Variants in TCEAL2 observed in about 807,000 individuals in gnomAD.
The protein encoded by TCEAL2 is transcription elongation factor A like 2, also known as transcription elongation factor A protein-like 2.
For missense variants in TCEAL2, 169 were observed against 166.6 expected (o/e 1.01, Z -0.08); for synonymous variants, 65 against 57.9 (o/e 1.12, Z -0.55).
intron 1 of TCEAL2, 149 bp from the exon 2 acceptor site, chrX:102,126,224 G>A: frequency 1.6e-6 from 1 of 612,661 alleles, no homozygotes; most frequent in Non-Finnish European, 2.3e-6. Flanking sequence ...TTTGGTGCCC[G>A]AGGCCTGGAA....
intron 2 of TCEAL2, 81 bp downstream of exon 2, chrX:102,126,526 G>T (rs1932895006): frequency 3.7e-5 from 26 of 693,857 alleles, no homozygotes; most frequent in Admixed American, 5.7e-5. Context: ...CCGAATTGGG[G>T]CCCCTGCCCA....
Position 102,127,143 on chromosome X carries a change from G to A in TCEAL2, c.313G>A (p.Glu105Lys). The A allele has an allele frequency of 8.3e-7, 1 of 1,207,609 alleles. No individual in the cohort carries two copies. Among genetic ancestry groups the A allele is most frequent in the Non-Finnish European group, 1.1e-6 (1 of 892,674 alleles). ...AGGGGGAAGGGCAGAGGGTGAAGGA[G>A]AGCCAGACAGTGAAAGAGAGCCAGA... ...ERGGRAEGEG[E>K]PDSEREPESE... Residue 105 changes from glutamate to lysine, a missense_variant, in exon 3 of 3, where the codon GAG (glutamate) becomes AAG (lysine). Coordinates refer to ENST00000372780, the MANE Select transcript of TCEAL2 (RefSeq NM_080390.4).
intron 2 of TCEAL2, 95 bp from the exon 3 acceptor site, chrX:102,126,709 A>G: frequency 1.2e-6 from 1 of 859,886 alleles, no homozygotes; most frequent in Admixed American, 3.2e-5. Context: ...ACCAGGGGTG[A>G]GATGCAAGTA....
rs1932886832 is a variant in TCEAL2 at position 102,125,691 on chromosome X, G to T, written c.-216G>T. On this transcript the variant is annotated 5_prime_UTR_variant, in exon 1 of 3. Coordinates refer to ENST00000372780, the MANE Select transcript of TCEAL2 (RefSeq NM_080390.4). ...GCGCCCGCCCGCCAGCCCGCCCAGCGGTCGGGTCCGGGCGCCCGCGCAGAA... is the reference window on the plus strand; with the variant it reads ...GCGCCCGCCCGCCAGCCCGCCCAGCTGTCGGGTCCGGGCGCCCGCGCAGAA... 8.9e-6 allele frequency: 1 copy of T among 112,275 alleles called. No individual in the cohort carries two copies. The highest frequency in any genetic ancestry group is 1.9e-5 in the Non-Finnish European group (1 of 53,184). 9.3% of individuals were successfully genotyped at this position (112,275 alleles called of 1,213,427 possible). A position where few individuals can be genotyped will look rare whatever the true frequency, so the allele number is the denominator to read the frequency against.
intron 2 of TCEAL2, 36 bp from the exon 3 acceptor site, chrX:102,126,768 T>C (rs1932896654): frequency 1.8e-6 from 2 of 1,126,420 alleles, no homozygotes; most frequent in Non-Finnish European, 2.4e-6. Context: ...CCATGTCTCC[T>C]CTTTGTCTCC....
chrX:102,127,174 AG>A lies in TCEAL2; in HGVS notation c.347del (p.Gly116GlufsTer45). On this transcript the variant is annotated frameshift_variant, in exon 3 of 3. Coordinates refer to ENST00000372780, the MANE Select transcript of TCEAL2 (RefSeq NM_080390.4). LOFTEE classifies it low-confidence loss of function (END_TRUNC). ...GACAGTGAAAGAGAGCCAGAGAGTGAGGGAGAGCCAGAAAGTGAAACAAGGG... is the reference window on the plus strand; with the variant it reads ...GACAGTGAAAGAGAGCCAGAGAGTGAGGAGAGCCAGAAAGTGAAACAAGGG... ...EPDSEREPESEGEPESETRAA... is the reference protein window; with the variant it reads ...EPDSEREPESXGEPESETRAA... 8.3e-7 allele frequency: 1 copy of A among 1,211,100 alleles called. No homozygotes were observed. Among genetic ancestry groups the A allele is most frequent in the Non-Finnish European group, 1.1e-6 (1 of 895,247 alleles).
intron 1 of TCEAL2, chrX:102,126,148 C>T: frequency 5.9e-6 from 2 of 337,680 alleles, no homozygotes; most frequent in East Asian, 4.7e-5. Context: ...AATGAGGTGG[C>T]GCTGGGGCAG....
Position 102,126,406 on chromosome X carries a change from G to A in TCEAL2, c.-67G>A, listed in dbSNP as rs1181856801. ...GTCTGTTGTTCCCAGCGCTCTGAGA[G>A]GCCTGAAAAGGAAGAGCAACCTGTC... On this transcript the variant is annotated 5_prime_UTR_variant, in exon 2 of 3. Transcript: ENST00000372780. 3.6e-6 allele frequency: 4 copies of A among 1,104,615 alleles called. No homozygotes were observed. The highest frequency in any genetic ancestry group is 4.9e-6 in the Non-Finnish European group (4 of 819,315). 91.0% of individuals were successfully genotyped at this position (1,104,615 alleles called of 1,213,427 possible).
chrX:102,127,187 A>G lies in TCEAL2; in HGVS notation c.357A>G (p.Glu119=), dbSNP rs188804412. 160 of 1,208,836 alleles carry G rather than the reference A, an allele frequency of 1.3e-4. No individual in the cohort carries two copies. Among genetic ancestry groups the G allele is most frequent in the Admixed American group, 2.0e-4 (9 of 45,603 alleles). Residue 119 remains glutamate (E), a synonymous_variant, in exon 3 of 3, where the codon GAA becomes GAG. Coordinates refer to ENST00000372780, the MANE Select transcript of TCEAL2 (RefSeq NM_080390.4). ...EREPESEGEP[E]SETRAAGKRP... ...AGCCAGAGAGTGAGGGAGAGCCAGA[A>G]AGTGAAACAAGGGCTGCAGGAAAGC...
intron 2 of TCEAL2, among the ~76,000 whole-genome samples, 159 bp from the exon 3 acceptor site, chrX:102,126,645 T>C (rs1932895883): frequency 8.9e-6 from 1 of 112,649 alleles, no homozygotes; most frequent in South Asian, 3.6e-4. Flanking sequence ...AGTGGTGGGC[T>C]ACGTGGTGGG....
At chrX:102,126,527 C>T (rs946858072) in intron 2 of TCEAL2, 82 bp downstream of exon 2, 91 of 678,757 alleles carry the variant, frequency 1.3e-4, no homozygotes, top group Non-Finnish European at 2.0e-4. Flanking sequence ...CGAATTGGGG[C>T]CCCTGCCCAT....
At chrX:102,126,254 C>T (rs969826776) in intron 1 of TCEAL2, 119 bp from the exon 2 acceptor site, 2 of 634,694 alleles carry the variant, frequency 3.2e-6, no homozygotes, top group Admixed American at 8.7e-5. Flanking sequence ...GGCTGGGGTG[C>T]GGGGGAGGTA....
In TCEAL2 at chrX:102,127,529, AT is replaced by A. The variant is rs1932903819; in HGVS notation, c.*18del. 6 of 1,150,398 alleles carry A rather than the reference AT, an allele frequency of 5.2e-6. No homozygotes were observed. In the Admixed American group the frequency reaches 1.5e-4, roughly 28 times the overall value. The allele number at this position is 1,150,398 out of a possible 1,213,427, so 94.8% of individuals were successfully genotyped here. A position where few individuals can be genotyped will look rare whatever the true frequency, so the allele number is the denominator to read the frequency against. ...CTTATGTGTAGTGTCCCTGGCAGGC[AT>A]TTGTCAGGCCATATGTTTTAACCTT... is the stretch of plus-strand genomic sequence containing the variant. On this transcript the variant is annotated 3_prime_UTR_variant, in exon 3 of 3. Transcript: ENST00000372780.
chrX:102,127,700 G>A lies in TCEAL2; in HGVS notation c.*186G>A. ...TCATGATTCGTGGAAAAATAAAGCA[G>A]CTTATAATATCATCTACAGAATCTG... On this transcript the variant is annotated 3_prime_UTR_variant, in exon 3 of 3. Coordinates refer to ENST00000372780, the MANE Select transcript of TCEAL2 (RefSeq NM_080390.4). The A allele has an allele frequency of 2.5e-6, 1 of 402,544 alleles. No individual in the cohort carries two copies. Among genetic ancestry groups the A allele is most frequent in the Non-Finnish European group, 4.1e-6 (1 of 246,510 alleles). The allele number at this position is 402,544 out of a possible 1,213,427, so 33.2% of individuals were successfully genotyped here. A position where few individuals can be genotyped will look rare whatever the true frequency, so the allele number is the denominator to read the frequency against.
At position 102,127,382 on chromosome X, in the gene TCEAL2, C is replaced by T; in HGVS notation, c.552C>T (p.Ser184=). The change falls in exon 3 of 3, where the codon AGC becomes AGT. Residue 184 remains serine, a synonymous_variant. Coordinates refer to ENST00000372780, the MANE Select transcript of TCEAL2 (RefSeq NM_080390.4). ...MARVEDKRRK[S]KQKLGAFLWM... Reference sequence around the variant, plus strand: ...GGGTGGAGGATAAAAGGAGAAAAAGCAAACAGAAATTGGGGGCGTTTTTGT... The same window carrying T: ...GGGTGGAGGATAAAAGGAGAAAAAGTAAACAGAAATTGGGGGCGTTTTTGT... 8.3e-7 allele frequency: 1 copy of T among 1,211,071 alleles called. No homozygotes were observed. The highest frequency in any genetic ancestry group is 1.1e-6 in the Non-Finnish European group (1 of 895,319).
intron 1 of TCEAL2, chrX:102,126,162 G>A: frequency 2.8e-6 from 1 of 363,286 alleles, no homozygotes; most frequent in South Asian, 7.1e-5. Context: ...GGGGCAGGTT[G>A]CCTCCGGGGA....
At position 102,127,674 on chromosome X, in the gene TCEAL2, G is replaced by A; in HGVS notation, c.*160G>A. The A allele has an allele frequency of 4.1e-6, 2 of 487,912 alleles. No individual in the cohort carries two copies. The highest frequency in any genetic ancestry group is 6.3e-6 in the Non-Finnish European group (2 of 319,300). The allele number at this position is 487,912 out of a possible 1,213,427, so 40.2% of individuals were successfully genotyped here. ...TTTCACACATGTGCATTGCAGAGAC[G>A]TCATGATTCGTGGAAAAATAAAGCA... On this transcript the variant is annotated 3_prime_UTR_variant, in exon 3 of 3. Coordinates refer to ENST00000372780, the MANE Select transcript of TCEAL2 (RefSeq NM_080390.4).
rs201161155 is a variant in TCEAL2 at position 102,126,844 on chromosome X, T to A, written c.14T>A (p.Phe5Tyr). The A allele has an allele frequency of 1.2e-4, 139 of 1,203,862 alleles. No homozygotes were observed. The highest frequency in any genetic ancestry group is 1.5e-4 in the Non-Finnish European group (134 of 893,150). ...GGAAATCTCGACATGGAAAAACTCT[T>A]CAATGAAAATGAAGGAATGCCTTCG... is the stretch of plus-strand genomic sequence containing the variant. MEKLFNENEGMPSNQ... is the reference protein window; with the variant it reads MEKLYNENEGMPSNQ... The change falls in exon 3 of 3, where the codon TTC (phenylalanine) becomes TAC (tyrosine). Residue 5 changes from phenylalanine (F) to tyrosine (Y), a missense_variant. Transcript: ENST00000372780.
rs778197135 is a variant in TCEAL2, at chrX:102,127,263, G to A, written c.433G>A (p.Gly145Arg). 8.3e-7 allele frequency: 1 copy of A among 1,209,545 alleles called. No individual in the cohort carries two copies. Among genetic ancestry groups the A allele is most frequent in the Admixed American group, 2.2e-5 (1 of 45,732 alleles). The change falls in exon 3 of 3, where the codon GGG (glycine) becomes AGG (arginine). Residue 145 changes from glycine to arginine, a missense_variant. Coordinates refer to ENST00000372780, the MANE Select transcript of TCEAL2 (RefSeq NM_080390.4). ...PRKAKRKTNK[G>R]LAQYLKQYKE... The stretch of plus-strand genomic sequence containing the variant: ...GAAAGCCAAAAGAAAAACCAACAAG[G>A]GGCTGGCTCAGTACCTCAAGCAATA...
Sources: gnomAD v4.1 joint callset for allele counts (sites outside exome capture counted in the v4.1 genomes callset) on GRCh38, gnomAD v4.1.1 for gene constraint, MANE v1.5 for transcripts, NCBI Gene and HGNC (gene_info 2026-07-23, HGNC 2026-07-21) for gene names.